OCA2: variants seen among roughly 807,000 people sequenced by gnomAD.
OCA2 encodes P protein.
Under a neutral mutation model 100.2 loss-of-function variants are expected in OCA2, and 77 were observed. That is an observed-to-expected ratio of 0.77 (90% CI 0.64 to 0.93). The LOEUF (loss-of-function observed/expected upper bound fraction) is 0.93, where lower values mean the gene tolerates loss of function less well. OCA2 is among the 40% of genes least tolerant of loss of function. OCA2 has a pLI of 0.00. For synonymous variants in OCA2, 432 were observed against 439.2 expected (o/e 0.98, Z 0.21); for missense variants, 1,062 against 1,089.1 (o/e 0.98, Z 0.35).
chr15:27,982,544 A>G (rs2041202296), intron 14 of OCA2, among the ~76,000 whole-genome samples: 1 of 152,188 alleles, frequency 6.6e-6, no homozygotes, highest in Admixed American at 6.5e-5. Flanking sequence ...CCATACCCAG[A>G]ACCTCTGGAG....
chr15:27,931,737 A>G (rs2140419141), intron 18 of OCA2, among the ~76,000 whole-genome samples: 1 of 152,320 alleles, frequency 6.6e-6, no homozygotes, highest in Admixed American at 6.5e-5. Context: ...AATATAGATT[A>G]TTTTCTGGAA....
the OCA2 span, among the ~76,000 whole-genome samples, chr15:27,723,619 C>T: frequency 6.6e-5 from 10 of 152,058 alleles, no homozygotes; most frequent in East Asian, 1.5e-3. Flanking sequence ...GCAAGAGGGG[C>T]GTAGCTGACT....
chr15:27,901,137 T>TCA (rs950180755), intron 19 of OCA2, among the ~76,000 whole-genome samples: 1 of 152,248 alleles, frequency 6.6e-6, no homozygotes, highest in Non-Finnish European at 1.5e-5. Flanking sequence ...TCACCCCATA[T>TCA]CACACAGTAG....
chr15:27,945,991 T>A (rs906443640), intron 18 of OCA2, among the ~76,000 whole-genome samples: 1 of 152,176 alleles, frequency 6.6e-6, no homozygotes, highest in African/African-American at 2.4e-5. Context: ...TGTAAAAAAA[T>A]TCAAAAAACC....
chr15:27,904,235 G>C (rs895329015), intron 19 of OCA2, among the ~76,000 whole-genome samples: 1 of 152,164 alleles, frequency 6.6e-6, no homozygotes, highest in Non-Finnish European at 1.5e-5. Flanking sequence ...ACCCGACCCA[G>C]CCCCAGGAGG....
chr15:27,849,155 CCA>C (rs2035652353), intron 22 of OCA2, among the ~76,000 whole-genome samples: 1 of 146,956 alleles, frequency 6.8e-6, no homozygotes, highest in Non-Finnish European at 1.5e-5. Flanking sequence ...GTGAACACAG[CCA>C]CATGCTGCCT....
chr15:27,985,340 G>A lies in OCA2; in HGVS notation c.1240-152C>T, dbSNP rs892063480. 1.3e-5 allele frequency: 11 copies of A among 878,990 alleles called. No individual in the cohort carries two copies. The African/African-American group carries it at 1.7e-4, about 13-fold the overall frequency. The allele number at this position is 878,990 out of a possible 1,614,324, so 54.4% of individuals were successfully genotyped here. A position where few individuals can be genotyped will look rare whatever the true frequency, so the allele number is the denominator to read the frequency against. On this transcript the variant is annotated intron_variant, in intron 12 of 23. Coordinates refer to ENST00000354638, the MANE Select transcript of OCA2 (RefSeq NM_000275.3). ...ACCCACGGAGTCCTAGGGGGGCCGAGATGAGACAGTGCTGGCCATCGAAGT... is the reference window on the plus strand; with the variant it reads ...ACCCACGGAGTCCTAGGGGGGCCGAAATGAGACAGTGCTGGCCATCGAAGT...
At chr15:27,729,152 A>G in the OCA2 span, among the ~76,000 whole-genome samples, 2 of 152,120 alleles carry the variant, frequency 1.3e-5, no homozygotes, top group Non-Finnish European at 1.5e-5. Flanking sequence ...CATCCTCACC[A>G]GCAGTGTTTT....
chr15:27,912,897 C>T (rs2038451574), intron 19 of OCA2, among the ~76,000 whole-genome samples: 1 of 152,188 alleles, frequency 6.6e-6, no homozygotes, highest in South Asian at 2.1e-4. Context: ...ATAGGACATG[C>T]CAATGTTTGT....
chr15:28,047,781 A>G (rs1039428487), intron 2 of OCA2, among the ~76,000 whole-genome samples: 3 of 152,226 alleles, frequency 2.0e-5, no homozygotes, highest in African/African-American at 7.2e-5. Flanking sequence ...ATTAAACAAG[A>G]AAAAGAAATA....
At chr15:27,860,629 T>A (rs1374079600) in intron 21 of OCA2, among the ~76,000 whole-genome samples, 1 of 152,220 alleles carries the variant, frequency 6.6e-6, no homozygotes, top group Non-Finnish European at 1.5e-5. Context: ...AGGAACATGA[T>A]CTCATTGTTT....
At chr15:27,931,643 T>G (rs947853100) in intron 18 of OCA2, among the ~76,000 whole-genome samples, 7 of 93,930 alleles carry the variant, frequency 7.5e-5, no homozygotes, top group African/African-American at 3.2e-4. Context: ...GCCTGTACCT[T>G]GCATTTAAAA....
intron 18 of OCA2, 76 bp downstream of exon 18, chr15:27,951,708 T>C: frequency 2.8e-6 from 3 of 1,081,354 alleles, no homozygotes; most frequent in South Asian, 2.6e-5. Flanking sequence ...GCAAAGTCAG[T>C]GTCTGGGAAC....
intron 21 of OCA2, among the ~76,000 whole-genome samples, chr15:27,855,782 T>C (rs1336008754): frequency 6.6e-6 from 1 of 152,164 alleles, no homozygotes; most frequent in Non-Finnish European, 1.5e-5. Flanking sequence ...TGCTTTACAG[T>C]GGCAGACAGA....
chr15:28,092,330 C>A (rs1481945791), intron 1 of OCA2, among the ~76,000 whole-genome samples: 2 of 152,172 alleles, frequency 1.3e-5, no homozygotes, highest in African/African-American at 4.8e-5. Context: ...TCACACAACT[C>A]AGTGAATATA....
At chr15:27,868,388 A>T (rs1433880638) in intron 21 of OCA2, among the ~76,000 whole-genome samples, 2 of 152,214 alleles carry the variant, frequency 1.3e-5, no homozygotes, top group Non-Finnish European at 2.9e-5. Context: ...ATTCGGACTT[A>T]AAAGAGCAGA....
intron 23 of OCA2, among the ~76,000 whole-genome samples, chr15:27,791,497 G>A (rs996762776): frequency 6.6e-6 from 1 of 152,140 alleles, no homozygotes; most frequent in African/African-American, 2.4e-5. Context: ...TGGTTGCTCG[G>A]GGGAAGGGTT....
chr15:27,992,891 G>A (rs2041601984), intron 9 of OCA2, among the ~76,000 whole-genome samples: 1 of 152,214 alleles, frequency 6.6e-6, no homozygotes, highest in Non-Finnish European at 1.5e-5. Flanking sequence ...GGGAGGCCAA[G>A]GCAGGCAGAT....
intron 18 of OCA2, among the ~76,000 whole-genome samples, chr15:27,932,051 G>A (rs1481855856): frequency 2.0e-5 from 3 of 152,180 alleles, no homozygotes; most frequent in East Asian, 1.9e-4. Flanking sequence ...CCGTCCAGTG[G>A]AGAACACATG....
Sources: gnomAD v4.1 joint callset for allele counts (sites outside exome capture counted in the v4.1 genomes callset) on GRCh38, gnomAD v4.1.1 for gene constraint, MANE v1.5 for transcripts, NCBI Gene and HGNC (gene_info 2026-07-23, HGNC 2026-07-21) for gene names.